The following SLC5A4 variants were observed in gnomAD, a reference collection of about 807,000 sequenced individuals.
SLC5A4 encodes the protein probable glucose sensor protein SLC5A4.
Under a neutral mutation model 70.3 loss-of-function variants are expected in SLC5A4, and 55 were observed. The observed-to-expected ratio is 0.78, with a 90% confidence interval of 0.63 to 0.98. SLC5A4 has a LOEUF of 0.98. Ranked by LOEUF, SLC5A4 falls within the 50% of genes least tolerant of loss-of-function variation. The probability of loss-of-function intolerance (pLI) is 0.00; values close to 1 mark genes in which losing one functional copy is unlikely to be tolerated. For synonymous variants in SLC5A4, 268 were observed against 305.7 expected, an observed-to-expected ratio of 0.88 and a Z score of 1.29; for missense variants, 735 against 839.2, an observed-to-expected ratio of 0.88 and a Z score of 1.53.
chr22:32,332,617 G>T, the SLC5A4 span, among the ~76,000 whole-genome samples: 1 of 152,198 alleles, frequency 6.6e-6, no homozygotes, highest in Admixed American at 6.5e-5. Flanking sequence ...CCCTGGCGTT[G>T]GGAGTGGGGT....
the SLC5A4 span, among the ~76,000 whole-genome samples, chr22:32,307,046 T>C: frequency 6.6e-6 from 1 of 152,164 alleles, no homozygotes; most frequent in Non-Finnish European, 1.5e-5. Flanking sequence ...TTTAGGGTCA[T>C]TCAACAGGGT....
At position 32,220,993 on chromosome 22, in the gene SLC5A4, G is replaced by A. The variant is rs778785020; in HGVS notation, c.1695C>T (p.Asn565=). 6.2e-7 allele frequency: 1 copy of A among 1,613,830 alleles called. No individual in the cohort carries two copies. The highest frequency in any genetic ancestry group is 8.5e-7 in the Non-Finnish European group (1 of 1,179,800). ...CTATATCGATTCGCTCCTCTGTACT[G>A]TTCCGAAGAACCCAGCACAGGCGGT... is the stretch of plus-strand genomic sequence containing the variant. ...HLYRLCWVLR[N]STEERIDIDA... is the part of the protein sequence containing the mutation. The change falls in exon 14 of 15, where the codon AAC becomes AAT. Residue 565 remains asparagine, a synonymous_variant. Transcript: ENST00000266086.
At chr22:32,251,149 C>CAAAAAAAAAAAAAAAAA (rs1169115054) in intron 3 of SLC5A4, among the ~76,000 whole-genome samples, 9 of 22,766 alleles carry the variant, frequency 4.0e-4, no homozygotes, top group Admixed American at 1.4e-3. Context: ...AACAAATAAG[C>CAAAAAAAAAAAAAAAAA]AAAAAAAAAA....
the SLC5A4 span, among the ~76,000 whole-genome samples, chr22:32,264,023 C>A: frequency 6.6e-6 from 1 of 152,030 alleles, no homozygotes; most frequent in Non-Finnish European, 1.5e-5. Flanking sequence ...GAACATCATA[C>A]ACCGGGGCCT....
At chr22:32,308,946 T>TTACC in the SLC5A4 span, among the ~76,000 whole-genome samples, 1 of 152,198 alleles carries the variant, frequency 6.6e-6, no homozygotes, top group East Asian at 1.9e-4. Flanking sequence ...TCCTTCCTTC[T>TTACC]TACCTACCTA....
chr22:32,345,598 A>C, the SLC5A4 span, among the ~76,000 whole-genome samples: 1 of 152,192 alleles, frequency 6.6e-6, no homozygotes, highest in African/African-American at 2.4e-5. Context: ...GAAATCTTAA[A>C]AAAATAAAAA....
intron 5 of SLC5A4, among the ~76,000 whole-genome samples, chr22:32,239,563 T>TATATATTTATATATAA (rs1569374935): frequency 7.9e-4 from 17 of 21,406 alleles, no homozygotes; most frequent in African/African-American, 4.2e-3. Flanking sequence ...TATATATATA[T>TATATATTTATATATAA]ATATATTTAT....
At chr22:32,304,869 T>A in the SLC5A4 span, among the ~76,000 whole-genome samples, 1 of 150,686 alleles carries the variant, frequency 6.6e-6, no homozygotes, top group East Asian at 2.0e-4. Flanking sequence ...TCTTTTTCAC[T>A]TAGGTCTATG....
chr22:32,232,977 T>G lies in SLC5A4; in HGVS notation c.943A>C (p.Ile315Leu), dbSNP rs199595781. ...KDMSHVKAAC[I>L]MCAYLKLLPM... ...AGCAGCTTCAGGTAAGCACACATAA[T>G]GCAAGCGGCCTTCACGTGAGACATG... Residue 315 changes from isoleucine to leucine, a missense_variant, in exon 9 of 15, where the codon ATT becomes CTT. Ile to Leu is a conservative substitution (Grantham distance 5). Coordinates refer to ENST00000266086, the MANE Select transcript of SLC5A4 (RefSeq NM_014227.3). 3.7e-6 allele frequency: 6 copies of G among 1,614,024 alleles called. No individual in the cohort carries two copies. The highest frequency in any genetic ancestry group is 1.3e-5 in the African/African-American group (1 of 74,922).
rs370052335 is a variant in SLC5A4, at chr22:32,254,383, C to T, written c.136-170G>A. 9.9e-5 allele frequency among the ~76,000 whole-genome samples: 15 copies of T among 152,258 alleles called. 1 individual carries two copies. The highest frequency in any genetic ancestry group is 2.2e-4 in the African/African-American group (9 of 41,568). ...AATTTTAAAGGACTTCAAAAACAGT[C>T]GCTTTGTAAAAACCCAGGGCTGGAA... On this transcript the variant is annotated intron_variant, in intron 1 of 14. Transcript: ENST00000266086.
intron 9 of SLC5A4, among the ~76,000 whole-genome samples, chr22:32,231,849 A>G (rs1288500876): frequency 6.6e-6 from 1 of 151,962 alleles, no homozygotes; most frequent in Non-Finnish European, 1.5e-5. Context: ...GAGGTGCACA[A>G]TAATTTCTTT....
chr22:32,270,457 A>C, the SLC5A4 span: 1 of 1,053,066 alleles, frequency 9.5e-7, no homozygotes. Flanking sequence ...AGAGAATCCC[A>C]AGGGGGAGGG....
At chr22:32,313,435 A>G in the SLC5A4 span, among the ~76,000 whole-genome samples, 5 of 152,342 alleles carry the variant, frequency 3.3e-5, no homozygotes, top group African/African-American at 9.6e-5. Flanking sequence ...TCATACTGAC[A>G]AAAACGATCC....
the SLC5A4 span, among the ~76,000 whole-genome samples, chr22:32,301,401 G>C: frequency 6.6e-6 from 1 of 152,126 alleles, no homozygotes; most frequent in Admixed American, 6.5e-5. Context: ...ATATGCATCT[G>C]CCTAATGATT....
chr22:32,340,445 ACT>A, the SLC5A4 span, among the ~76,000 whole-genome samples: 1 of 151,960 alleles, frequency 6.6e-6, no homozygotes, highest in African/African-American at 2.4e-5. Flanking sequence ...ACCAATCCCA[ACT>A]CTCTTGGGGT....
At chr22:32,272,396 T>C in the SLC5A4 span, 1 of 904,908 alleles carries the variant, frequency 1.1e-6, no homozygotes, top group Non-Finnish European at 1.8e-6. Flanking sequence ...GCCAGCGAGC[T>C]GACGGGCATG....
At chr22:32,347,436 C>T in the SLC5A4 span, among the ~76,000 whole-genome samples, 7 of 151,982 alleles carry the variant, frequency 4.6e-5, no homozygotes, top group African/African-American at 1.7e-4. Context: ...TTAACAATAG[C>T]AAAGACTTGG....
chr22:32,336,911 A>T, the SLC5A4 span, among the ~76,000 whole-genome samples: 3 of 152,224 alleles, frequency 2.0e-5, no homozygotes, highest in African/African-American at 7.2e-5. Flanking sequence ...GCCTTCAATA[A>T]ATGCTTGCTG....
At chr22:32,246,414 A>C (rs1019054097) in intron 5 of SLC5A4, among the ~76,000 whole-genome samples, 2 of 152,190 alleles carry the variant, frequency 1.3e-5, no homozygotes, top group Admixed American at 1.3e-4. Flanking sequence ...TTCATTAGTC[A>C]CCGATACATG....
Sources: allele counts gnomAD v4.1 joint callset (sites outside exome capture counted in the v4.1 genomes callset), GRCh38; gene constraint gnomAD v4.1.1; transcripts MANE v1.5; gene names NCBI Gene and HGNC (gene_info 2026-07-23, HGNC 2026-07-21).